Variants in DNMBP observed in about 807,000 individuals in gnomAD.
DNMBP encodes the protein dynamin-binding protein.
A neutral mutation model predicts 150.0 loss-of-function variants in DNMBP; 87 were observed. That is an observed-to-expected ratio of 0.58 (90% CI 0.49 to 0.69). The LOEUF is 0.69. Ranked by LOEUF, DNMBP falls within the 30% of genes least tolerant of loss-of-function variation. The pLI is 0.00. For missense variants in DNMBP, 1,774 were observed against 1,949.0 expected (o/e 0.91, Z 1.69); for synonymous variants, 711 against 750.4 (o/e 0.95, Z 0.86).
At chr10:99,935,087 C>CACACAAAAAAAAA (rs2040211899) in intron 4 of DNMBP, among the ~76,000 whole-genome samples, 1 of 48,540 alleles carries the variant, frequency 2.1e-5, no homozygotes, top group Non-Finnish European at 3.9e-5. Context: ...CCTGTCTCCA[C>CACACAAAAAAAAA]AAAAAAAAAA....
chr10:99,982,446 A>T (rs1280508468), intron 1 of DNMBP, among the ~76,000 whole-genome samples: 1 of 152,002 alleles, frequency 6.6e-6, no homozygotes, highest in East Asian at 1.9e-4. Context: ...CCTGTCTCAA[A>T]AAATAAATAA....
intron 4 of DNMBP, among the ~76,000 whole-genome samples, chr10:99,924,171 C>T (rs1239029411): frequency 1.3e-5 from 2 of 151,716 alleles, no homozygotes; most frequent in Admixed American, 1.3e-4. Context: ...GTGGCGGTAG[C>T]TCACACCTGT....
Position 99,955,510 on chromosome 10 carries a change from G to A in DNMBP, c.1964C>T (p.Thr655Met), listed in dbSNP as rs577589150. ...TAGGAGCTTGGGGGATACCGCATTCGTTCTCTGCTGTGCTGAGGGAGGCAG... is the reference window on the plus strand; with the variant it reads ...TAGGAGCTTGGGGGATACCGCATTCATTCTCTGCTGTGCTGAGGGAGGCAG... ...APLPPSAQQR[T>M]NAVSPKLLSR... The change falls in exon 4 of 17, where the codon ACG (threonine) becomes ATG (methionine). Residue 655 changes from threonine (T) to methionine (M), a missense_variant. By Grantham distance (81) the Thr-to-Met change is moderately conservative. Around this residue, in one of 2 missense-constraint regions of DNMBP, gnomAD observed 1,430 missense variants for 1,492.5 expected, o/e 0.96. Transcript: ENST00000324109. 4.1e-5 allele frequency: 66 copies of A among 1,598,000 alleles called. No homozygotes were observed. The highest frequency in any genetic ancestry group is 2.6e-4 in the Admixed American group (15 of 57,688).
At chr10:99,972,198 T>C in intron 1 of DNMBP, 64 bp from the exon 2 acceptor site, 2 of 1,401,936 alleles carry the variant, frequency 1.4e-6, no homozygotes, top group South Asian at 1.4e-5. Flanking sequence ...TATAGATCTA[T>C]TTCTTGGAAT....
chr10:99,958,202 T>G (rs1589439046), intron 3 of DNMBP: 1 of 152,338 alleles, frequency 6.6e-6, no homozygotes, highest in Non-Finnish European at 1.5e-5. Flanking sequence ...ACATGAATAG[T>G]CACTGTATGG....
At chr10:99,929,940 C>G (rs1198993752) in intron 4 of DNMBP, 2 of 702,760 alleles carry the variant, frequency 2.8e-6, no homozygotes, top group Non-Finnish European at 5.2e-6. Context: ...TTTATATGCA[C>G]AGTTTGCAAA....
intron 15 of DNMBP, among the ~76,000 whole-genome samples, chr10:99,881,773 T>C (rs1484552457): frequency 6.6e-6 from 1 of 152,128 alleles, no homozygotes; most frequent in African/African-American, 2.4e-5. Flanking sequence ...TTTTAATCTC[T>C]CGTTCTGTGT....
chr10:99,898,675 C>T (rs2133226785), intron 8 of DNMBP, 68 bp downstream of exon 8: 2 of 1,547,108 alleles, frequency 1.3e-6, no homozygotes, highest in South Asian at 2.3e-5. Context: ...AATACAGTTG[C>T]TTAAGAGTTA....
chr10:99,987,018 G>A (rs2133372465), intron 1 of DNMBP, among the ~76,000 whole-genome samples: 1 of 152,034 alleles, frequency 6.6e-6, no homozygotes, highest in Non-Finnish European at 1.5e-5. Flanking sequence ...AGCCGGGTGT[G>A]GTGGCGGGCA....
At chr10:99,895,571 G>A (rs547605541) in intron 10 of DNMBP, among the ~76,000 whole-genome samples, 26 of 152,204 alleles carry the variant, frequency 1.7e-4, no homozygotes, top group African/African-American at 4.8e-4. Context: ...AACCTTCTTT[G>A]CAAGCCCTCT....
At position 99,879,096 on chromosome 10, in the gene DNMBP, A is replaced by C. The variant is rs1240303538; in HGVS notation, c.4548+715T>G. ...CAAGACTCTGTCTCAAAAAAAAAAA[A>C]AAAAACCCAAAACGTTTGAGATACA... On this transcript the variant is annotated intron_variant, in intron 16 of 16. Coordinates refer to ENST00000324109, the MANE Select transcript of DNMBP (RefSeq NM_015221.4). 2.7e-5 allele frequency among the ~76,000 whole-genome samples: 4 copies of C among 150,462 alleles called. No individual in the cohort carries two copies. In the South Asian group the frequency reaches 8.4e-4, roughly 32 times the overall value.
At chr10:99,894,797 T>A (rs2039626767) in intron 11 of DNMBP, 149 bp downstream of exon 11, 4 of 603,100 alleles carry the variant, frequency 6.6e-6, no homozygotes, top group Non-Finnish European at 1.2e-5. Context: ...TTAAATAACC[T>A]ACTGGCATCT....
At chr10:99,973,134 G>A (rs147678155) in intron 1 of DNMBP, among the ~76,000 whole-genome samples, 5 of 151,422 alleles carry the variant, frequency 3.3e-5, no homozygotes, top group Non-Finnish European at 4.4e-5. Context: ...ATCTCACTTC[G>A]TTACCCAGGC....
intron 3 of DNMBP, among the ~76,000 whole-genome samples, chr10:99,961,309 C>T (rs1223449295): frequency 1.6e-5 from 2 of 124,384 alleles, no homozygotes; most frequent in African/African-American, 6.3e-5. Context: ...AGGGTCTCAC[C>T]CTATCACCAA....
intron 4 of DNMBP, among the ~76,000 whole-genome samples, chr10:99,949,592 G>C (rs939115356): frequency 1.8e-4 from 27 of 152,120 alleles, no homozygotes; most frequent in African/African-American, 6.5e-4. Flanking sequence ...ATTAGCAATA[G>C]ATATTATCAA....
chr10:99,898,280 C>T lies in DNMBP; in HGVS notation c.2726G>A (p.Cys909Tyr). The T allele has an allele frequency of 1.2e-6, 2 of 1,612,706 alleles. No individual in the cohort carries two copies. Among genetic ancestry groups the T allele is most frequent in the Non-Finnish European group, 1.7e-6 (2 of 1,178,798 alleles). Reference protein sequence around the residue: ...DLKSLYNEWGCTNYINLGSFL... With the variant: ...DLKSLYNEWGYTNYINLGSFL... ...GGAGCCCAGGTTAATATAATTTGTG[C>T]ATCCCCTGTAAGAGAAGGAAAAAAG... Residue 909 changes from cysteine (C) to tyrosine (Y), a missense_variant, in exon 9 of 17, where the codon TGC (cysteine) becomes TAC (tyrosine). Physicochemically the swap from Cys to Tyr is radical, Grantham distance 194. Around this residue, in one of 2 missense-constraint regions of DNMBP, gnomAD observed 1,430 missense variants for 1,492.5 expected, o/e 0.96. Coordinates refer to ENST00000324109, the MANE Select transcript of DNMBP (RefSeq NM_015221.4).
At chr10:99,992,070 C>T (rs919223359) in intron 1 of DNMBP, among the ~76,000 whole-genome samples, 1 of 151,874 alleles carries the variant, frequency 6.6e-6, no homozygotes, top group Non-Finnish European at 1.5e-5. Context: ...GACCCCATCT[C>T]TAAAACAAAA....
chr10:99,903,935 T>C (rs1452037279), intron 6 of DNMBP, among the ~76,000 whole-genome samples: 2 of 150,814 alleles, frequency 1.3e-5, no homozygotes, highest in Admixed American at 6.6e-5. Flanking sequence ...TTTTTTTTTT[T>C]CTGTAGAGAC....
rs1457544220 is a variant in DNMBP at position 99,956,357 on chromosome 10, TTCTG to T, written c.1113_1116del (p.Asp371GlufsTer37). 1 of 1,613,882 alleles carries T rather than the reference TTCTG, an allele frequency of 6.2e-7. No homozygotes were observed. The highest frequency in any genetic ancestry group is 1.3e-5 in the African/African-American group (1 of 74,852). On this transcript the variant is annotated frameshift_variant, in exon 4 of 17. Transcript: ENST00000324109. LOFTEE classifies it high-confidence loss of function. ...GCGGTGTCCTCGTCCTGATAAGAGT[TTCTG>T]TCTGTGTCATACTCTGAAGTCAGAT...
Sources: allele counts gnomAD v4.1 joint callset (sites outside exome capture counted in the v4.1 genomes callset), GRCh38; gene constraint gnomAD v4.1.1; regional missense constraint gnomAD v4.1.1; transcripts MANE v1.5; gene names NCBI Gene and HGNC (gene_info 2026-07-23, HGNC 2026-07-21).